The following E2F3 variants were observed in gnomAD, a reference collection of about 807,000 sequenced individuals.
E2F3 encodes transcription factor E2F3.
A neutral mutation model predicts 44.4 loss-of-function variants in E2F3; 11 were observed. The observed-to-expected ratio is 0.25, with a 90% CI of 0.16 to 0.41. The LOEUF (loss-of-function observed/expected upper bound fraction) is 0.41, where lower values mean the gene tolerates loss of function less well. Among genes scored for constraint, E2F3 ranks in the 10% least tolerant of loss-of-function variants. The probability of loss-of-function intolerance (pLI) is 1.00; values close to 1 mark genes in which losing one functional copy is unlikely to be tolerated. For missense variants in E2F3, 487 were observed against 583.6 expected (o/e 0.83, Z 1.70); for synonymous variants, 249 against 253.0 (o/e 0.98, Z 0.15).
chr6:20,402,140 G>T lies in E2F3; in HGVS notation c.-93G>T, dbSNP rs2127581121. On this transcript the variant is annotated 5_prime_UTR_variant, in exon 1 of 7. Transcript: ENST00000346618. This position sits in a 1 kb window ranked among gnomAD's most constrained non-coding sequence, Gnocchi z 5.6. The stretch of plus-strand genomic sequence containing the variant: ...AAGCGCCGGGCGGGGAGGAGAGAAG[G>T]AGGAGAGACTTGGAAACTCCGACTG... 4 of 1,451,028 alleles carry T rather than the reference G, an allele frequency of 2.8e-6. No individual in the cohort carries two copies. The highest frequency in any genetic ancestry group is 2.6e-4 in the Middle Eastern group (1 of 3,880). 89.9% of individuals were successfully genotyped at this position (1,451,028 alleles called of 1,614,324 possible). A position where few individuals can be genotyped will look rare whatever the true frequency, so the allele number is the denominator to read the frequency against.
chr6:20,441,585 G>GT (rs1427387078), intron 1 of E2F3, among the ~76,000 whole-genome samples: 1 of 151,770 alleles, frequency 6.6e-6, no homozygotes, highest in Non-Finnish European at 1.5e-5. Flanking sequence ...TTTTGTTTTT[G>GT]TTTTTTTGAG....
chr6:20,443,610 C>A lies in E2F3; in HGVS notation c.394-36236C>A, dbSNP rs559442634. ...TTTAACAGGGCATGGTGGTGCACGC[C>A]TGTAGTCTTAGTTACTCGGGAGAGC... On this transcript the variant is annotated intron_variant, in intron 1 of 6. Transcript: ENST00000346618. 5.9e-5 allele frequency among the ~76,000 whole-genome samples: 9 copies of A among 152,170 alleles called. No individual in the cohort carries two copies. In the South Asian group the frequency reaches 1.7e-3, roughly 28 times the overall value.
intron 4 of E2F3, among the ~76,000 whole-genome samples, chr6:20,485,889 C>G (rs1762375945): frequency 6.6e-6 from 1 of 152,144 alleles, no homozygotes; most frequent in Non-Finnish European, 1.5e-5. Flanking sequence ...TATTTATTTA[C>G]TTGGTGGCTG....
intron 1 of E2F3, among the ~76,000 whole-genome samples, chr6:20,441,500 CT>C (rs1760771411): frequency 1.3e-5 from 2 of 152,104 alleles, no homozygotes; most frequent in African/African-American, 4.8e-5. Context: ...TTTGAGTCCC[CT>C]TTTAAAATTC....
chr6:20,423,067 A>G (rs1760080192), intron 1 of E2F3, among the ~76,000 whole-genome samples: 1 of 152,100 alleles, frequency 6.6e-6, no homozygotes, highest in Non-Finnish European at 1.5e-5. Flanking sequence ...GCCCAAGCCT[A>G]TTATGTTTCT....
At chr6:20,477,628 T>G (rs1214155225) in intron 1 of E2F3, among the ~76,000 whole-genome samples, 1 of 152,124 alleles carries the variant, frequency 6.6e-6, no homozygotes, top group Non-Finnish European at 1.5e-5. Flanking sequence ...ATCCAATGCA[T>G]CTTAGGTATG....
chr6:20,408,396 A>G (rs778888530), intron 1 of E2F3, among the ~76,000 whole-genome samples: 4 of 152,192 alleles, frequency 2.6e-5, no homozygotes, highest in Admixed American at 6.5e-5. Flanking sequence ...ATTGGTTTAT[A>G]TTCTGTTCAC....
intron 1 of E2F3, among the ~76,000 whole-genome samples, chr6:20,413,198 G>T (rs894705123): frequency 1.3e-5 from 2 of 152,184 alleles, no homozygotes; most frequent in Admixed American, 1.3e-4. Flanking sequence ...CTGTCAAAAA[G>T]AAATAATCCA....
chr6:20,402,498 C>A lies in E2F3; in HGVS notation c.266C>A (p.Pro89His). The A allele has an allele frequency of 1.2e-6, 2 of 1,606,138 alleles. No individual in the cohort carries two copies. Among genetic ancestry groups the A allele is most frequent in the Non-Finnish European group, 1.7e-6 (2 of 1,179,090 alleles). ...GCCGGCCCCCTCCTCCCCAGTGCCCCCGGCGCGGAGCAGACCGCCGGCAGC... is the reference window on the plus strand; with the variant it reads ...GCCGGCCCCCTCCTCCCCAGTGCCCACGGCGCGGAGCAGACCGCCGGCAGC... ...VAAGPLLPSAPGAEQTAGSLL... is the reference protein window; with the variant it reads ...VAAGPLLPSAHGAEQTAGSLL... The change falls in exon 1 of 7, where the codon CCC (proline) becomes CAC (histidine). Residue 89 changes from proline to histidine, a missense_variant. By Grantham distance (77) the Pro-to-His change is moderately conservative. Coordinates refer to ENST00000346618, the MANE Select transcript of E2F3 (RefSeq NM_001949.5). This position sits in a 1 kb window ranked among gnomAD's most constrained non-coding sequence, Gnocchi z 5.6.
At chr6:20,460,260 A>G (rs961933469) in intron 1 of E2F3, among the ~76,000 whole-genome samples, 5 of 152,220 alleles carry the variant, frequency 3.3e-5, no homozygotes, top group Non-Finnish European at 7.3e-5. Context: ...AATGAATTAC[A>G]CAGATTATGT....
chr6:20,438,505 A>G (rs1294432762), intron 1 of E2F3, among the ~76,000 whole-genome samples: 1 of 152,102 alleles, frequency 6.6e-6, no homozygotes, highest in Non-Finnish European at 1.5e-5. Flanking sequence ...AATTTTTAGT[A>G]CTGCATTTGG....
intron 1 of E2F3, among the ~76,000 whole-genome samples, chr6:20,408,169 C>G (rs1367407905): frequency 2.6e-5 from 4 of 152,208 alleles, no homozygotes; most frequent in Admixed American, 6.5e-5. Flanking sequence ...ACTGGGAAAG[C>G]AGTAAATATA....
At chr6:20,449,800 C>G (rs116112116) in intron 1 of E2F3, among the ~76,000 whole-genome samples, 1,567 of 152,222 alleles carry the variant, frequency 0.01, 31 homozygotes, top group African/African-American at 0.036. Context: ...GTAGGCCCCA[C>G]TGTCTGTTCC....
At chr6:20,421,056 G>A (rs1052830219) in intron 1 of E2F3, among the ~76,000 whole-genome samples, 3 of 152,132 alleles carry the variant, frequency 2.0e-5, no homozygotes, top group Non-Finnish European at 2.9e-5. Flanking sequence ...TTGCTTATCC[G>A]TAAGAAGCAA....
chr6:20,446,931 A>G (rs553986010), intron 1 of E2F3, among the ~76,000 whole-genome samples: 3 of 152,194 alleles, frequency 2.0e-5, no homozygotes, highest in Non-Finnish European at 4.4e-5. Flanking sequence ...TAAAAGTAAA[A>G]GCAAAGAAGT....
chr6:20,444,031 G>A (rs1760858086), intron 1 of E2F3, among the ~76,000 whole-genome samples: 2 of 152,012 alleles, frequency 1.3e-5, no homozygotes, highest in African/African-American at 2.4e-5. Context: ...GGGCAACATA[G>A]TGAAACCAGG....
rs886292940 is a variant in E2F3 at position 20,402,554 on chromosome 6, A to G, written c.322A>G (p.Ser108Gly). Reference protein sequence around the residue: ...LLYTTPHGPSSRAGLLQQPPA... With the variant: ...LLYTTPHGPSGRAGLLQQPPA... Reference sequence around the variant, plus strand: ...CTACACCACGCCGCACGGACCCTCCAGCAGAGCCGGGCTGCTGCAGCAGCC... The same window carrying G: ...CTACACCACGCCGCACGGACCCTCCGGCAGAGCCGGGCTGCTGCAGCAGCC... Residue 108 changes from serine (S) to glycine (G), a missense_variant, in exon 1 of 7, where the codon AGC becomes GGC. Coordinates refer to ENST00000346618, the MANE Select transcript of E2F3 (RefSeq NM_001949.5). This position sits in a 1 kb window ranked among gnomAD's most constrained non-coding sequence, Gnocchi z 5.6. 6.4e-6 allele frequency: 10 copies of G among 1,571,220 alleles called. No homozygotes were observed. The highest frequency in any genetic ancestry group is 8.6e-6 in the Non-Finnish European group (10 of 1,169,274).
chr6:20,468,170 A>G (rs899487274), intron 1 of E2F3, among the ~76,000 whole-genome samples: 9 of 152,194 alleles, frequency 5.9e-5, no homozygotes, highest in Admixed American at 2.0e-4. Flanking sequence ...CTCCAATTCA[A>G]TTCTGACACC....
Position 20,405,901 on chromosome 6 carries a change from A to G in E2F3, c.393+3276A>G, listed in dbSNP as rs1408766139. On this transcript the variant is annotated intron_variant, in intron 1 of 6. Transcript: ENST00000346618. ...TACAAAGTCTTAAGCACTGAATATA[A>G]AGTTTGATTTATTGTTTTTCTTATC... Among the ~76,000 whole-genome samples the G allele has an allele frequency of 5.9e-5, 9 of 152,248 alleles. No individual in the cohort carries two copies. The East Asian group carries it at 1.4e-3, about 23-fold the overall frequency.
Sources: allele counts gnomAD v4.1 joint callset (sites outside exome capture counted in the v4.1 genomes callset), GRCh38; gene constraint gnomAD v4.1.1; non-coding constraint Gnocchi (gnomAD v3.1); transcripts MANE v1.5; gene names NCBI Gene and HGNC (gene_info 2026-07-23, HGNC 2026-07-21).